The following CDH12 variants were observed in gnomAD, a reference collection of about 807,000 sequenced individuals.
The protein encoded by CDH12 is cadherin-12.
CDH12 carries 41 observed loss-of-function variants against 74.1 expected under a neutral mutation model. That is an observed-to-expected ratio of 0.55 (90% CI 0.43 to 0.72). The LOEUF (loss-of-function observed/expected upper bound fraction) is 0.72. CDH12 is among the 30% of genes least tolerant of loss of function. CDH12 has a pLI of 0.00. For missense variants in CDH12, 945 were observed against 977.2 expected, an observed-to-expected ratio of 0.97 and a Z score of 0.44; for synonymous variants, 399 against 355.0, an observed-to-expected ratio of 1.12 and a Z score of -1.39.
chr5:22,657,476 T>A (rs1740108932), intron 1 of CDH12, among the ~76,000 whole-genome samples: 1 of 152,162 alleles, frequency 6.6e-6, no homozygotes. Flanking sequence ...ACAGAAATCA[T>A]TGGTTTTTCT....
At chr5:22,327,941 T>C (rs147774779) in intron 3 of CDH12, among the ~76,000 whole-genome samples, 1,952 of 152,366 alleles carry the variant, frequency 0.013, 24 homozygotes, top group Middle Eastern at 0.02. Context: ...TTTATTATGT[T>C]AGCTGGCTGT....
intron 3 of CDH12, among the ~76,000 whole-genome samples, chr5:22,293,505 G>T (rs1561289526): frequency 1.3e-5 from 2 of 152,106 alleles, no homozygotes; most frequent in South Asian, 2.1e-4. Context: ...ATGTCAAAGA[G>T]ATTTCTGCAC....
chr5:22,796,814 C>T (rs1346094499), intron 1 of CDH12, among the ~76,000 whole-genome samples: 1 of 101,616 alleles, frequency 9.8e-6, no homozygotes, highest in Non-Finnish European at 1.9e-5. Context: ...GCCACCGCGC[C>T]CGGCCCAGAT....
intron 4 of CDH12, among the ~76,000 whole-genome samples, chr5:22,150,067 A>G (rs1747465525): frequency 1.3e-5 from 2 of 152,180 alleles, no homozygotes; most frequent in Non-Finnish European, 2.9e-5. Context: ...TCAAGTACGT[A>G]CACATTAGTA....
chr5:22,373,417 T>C (rs2126352388), intron 3 of CDH12, among the ~76,000 whole-genome samples: 1 of 152,168 alleles, frequency 6.6e-6, no homozygotes, highest in Admixed American at 6.5e-5. Flanking sequence ...CTGAGAAACC[T>C]CTCACATGCC....
At chr5:22,520,885 G>A (rs868545818) in intron 1 of CDH12, among the ~76,000 whole-genome samples, 4 of 152,022 alleles carry the variant, frequency 2.6e-5, no homozygotes, top group Non-Finnish European at 4.4e-5. Context: ...TATATTGCAC[G>A]TGGTTTCCGT....
At chr5:22,343,065 G>C (rs1256784808) in intron 3 of CDH12, among the ~76,000 whole-genome samples, 1 of 151,824 alleles carries the variant, frequency 6.6e-6, no homozygotes, top group Non-Finnish European at 1.5e-5. Flanking sequence ...ATGTTGGCCA[G>C]GCTGGTTTCC....
intron 5 of CDH12, among the ~76,000 whole-genome samples, chr5:22,038,846 C>T (rs992165447): frequency 6.6e-6 from 1 of 152,080 alleles, no homozygotes; most frequent in African/African-American, 2.4e-5. Context: ...ACCCCACATC[C>T]CAGAAAACCA....
At chr5:22,572,566 T>C (rs994504360) in intron 1 of CDH12, among the ~76,000 whole-genome samples, 5 of 152,146 alleles carry the variant, frequency 3.3e-5, no homozygotes, top group Non-Finnish European at 5.9e-5. Context: ...CCCTCTGAAC[T>C]CATTTTAAAA....
intron 3 of CDH12, among the ~76,000 whole-genome samples, chr5:22,325,289 T>C (rs768704330): frequency 6.6e-6 from 1 of 152,144 alleles, no homozygotes; most frequent in Non-Finnish European, 1.5e-5. Context: ...ATACAAGTTA[T>C]AGTACTAAAC....
intron 4 of CDH12, among the ~76,000 whole-genome samples, chr5:22,101,811 G>T (rs1744152801): frequency 6.6e-6 from 1 of 152,142 alleles, no homozygotes; most frequent in East Asian, 1.9e-4. Flanking sequence ...TTCTATTAAT[G>T]TTATAATTCA....
intron 3 of CDH12, among the ~76,000 whole-genome samples, chr5:22,240,679 G>A (rs1752716282): frequency 6.6e-6 from 1 of 151,944 alleles, no homozygotes; most frequent in Non-Finnish European, 1.5e-5. Context: ...GATTACAGGC[G>A]CCTGCCACCA....
intron 8 of CDH12, among the ~76,000 whole-genome samples, chr5:21,837,203 C>T (rs1307075683): frequency 6.6e-6 from 1 of 152,010 alleles, no homozygotes; most frequent in Admixed American, 6.6e-5. Flanking sequence ...ATTTATTAGT[C>T]TAGATCCTCA....
intron 1 of CDH12, among the ~76,000 whole-genome samples, chr5:22,652,438 T>C (rs1016088912): frequency 4.6e-5 from 7 of 152,176 alleles, no homozygotes; most frequent in Non-Finnish European, 7.4e-5. Context: ...GAACCAGGTC[T>C]TGAATGACAG....
chr5:22,151,514 C>G (rs752206422), intron 4 of CDH12, among the ~76,000 whole-genome samples: 1 of 152,068 alleles, frequency 6.6e-6, no homozygotes, highest in Non-Finnish European at 1.5e-5. Context: ...GATTAAATCA[C>G]CAAAAGGGTT....
Position 22,466,006 on chromosome 5 carries a change from T to C in CDH12, c.-428+39264A>G, listed in dbSNP as rs181300209. Reference sequence around the variant, plus strand: ...ATCATAAGATTAGGGTTCCTTCCCATGGGTTACAGGATCTCAATAATCAGC... The same window carrying C: ...ATCATAAGATTAGGGTTCCTTCCCACGGGTTACAGGATCTCAATAATCAGC... On this transcript the variant is annotated intron_variant, in intron 2 of 14. Coordinates refer to ENST00000382254, the MANE Select transcript of CDH12 (RefSeq NM_004061.5). Among the ~76,000 whole-genome samples the C allele has an allele frequency of 2.1e-3, 318 of 152,294 alleles. 4 individuals are homozygous for C. Among genetic ancestry groups the C allele is most frequent in the Non-Finnish European group, 3.5e-4 (24 of 68,016 alleles).
chr5:22,072,045 A>G (rs1263825595), intron 5 of CDH12, among the ~76,000 whole-genome samples: 1 of 151,828 alleles, frequency 6.6e-6, no homozygotes, highest in Non-Finnish European at 1.5e-5. Context: ...CATTTCCTTC[A>G]TTGTACTTCC....
At chr5:22,558,018 A>G (rs909003972) in intron 1 of CDH12, among the ~76,000 whole-genome samples, 2 of 152,112 alleles carry the variant, frequency 1.3e-5, no homozygotes, top group Non-Finnish European at 2.9e-5. Flanking sequence ...TAAAATTACA[A>G]TAAGGGAAAA....
chr5:21,832,630 G>A (rs868558656), intron 8 of CDH12, among the ~76,000 whole-genome samples: 19 of 150,298 alleles, frequency 1.3e-4, no homozygotes, highest in African/African-American at 4.1e-4. Flanking sequence ...AAATATACCT[G>A]TAGGAATACA....
Sources: allele counts gnomAD v4.1 joint callset (sites outside exome capture counted in the v4.1 genomes callset), GRCh38; gene constraint gnomAD v4.1.1; transcripts MANE v1.5; gene names NCBI Gene and HGNC (gene_info 2026-07-23, HGNC 2026-07-21).